LRRC57: variants seen among roughly 807,000 people sequenced by gnomAD.
LRRC57 encodes the protein leucine rich repeat containing 57, also known as leucine-rich repeat-containing protein 57.
In LRRC57, 14 loss-of-function variants were observed where a neutral mutation model predicts 23.1. The observed-to-expected ratio is 0.61, with a 90% confidence interval of 0.40 to 0.95. The LOEUF is 0.95. Among genes scored for constraint, LRRC57 ranks in the 40% least tolerant of loss-of-function variants. The pLI, the probability that LRRC57 is intolerant of heterozygous loss-of-function variation, is 0.00. For synonymous variants in LRRC57, 106 were observed against 115.2 expected, an observed-to-expected ratio of 0.92 and a Z score of 0.51; for missense variants, 236 against 284.4, an observed-to-expected ratio of 0.83 and a Z score of 1.22.
chr15:42,544,842 C>CTATATA (rs143066320), intron 5 of LRRC57, among the ~76,000 whole-genome samples: 2 of 98,036 alleles, frequency 2.0e-5, no homozygotes, highest in African/African-American at 1.3e-4. Flanking sequence ...CACACACACA[C>CTATATA]TATATATATA....
chr15:42,531,431 C>T, the LRRC57 span: 5 of 1,585,994 alleles, frequency 3.2e-6, no homozygotes, highest in South Asian at 1.2e-5. Context: ...CAACAGAGAT[C>T]GTATTGATAT....
At chr15:42,548,551 G>T in intron 1 of LRRC57, 95 bp from the exon 2 acceptor site, 1 of 972,120 alleles carries the variant, frequency 1.0e-6, no homozygotes, top group Non-Finnish European at 1.5e-6. Context: ...GCCGATCCCT[G>T]GCTCCTGGGG....
chr15:42,534,120 CTTTT>C (rs1278178764), downstream of LRRC57, among the ~76,000 whole-genome samples: 1 of 152,032 alleles, frequency 6.6e-6, no homozygotes, highest in African/African-American at 2.4e-5. Context: ...ACTGAAGTCT[CTTTT>C]TTGTTTGTTT....
Position 42,539,776 on chromosome 15 carries a change from A to G in LRRC57, c.*4307T>C, listed in dbSNP as rs2057618732. 1 of 152,190 alleles carries G rather than the reference A, an allele frequency of 6.6e-6. No individual in the cohort carries two copies. Among genetic ancestry groups the G allele is most frequent in the Non-Finnish European group, 1.5e-5 (1 of 68,024 alleles). The allele number at this position is 152,190 out of a possible 1,614,324, so 9.4% of individuals were successfully genotyped here. The stretch of plus-strand genomic sequence containing the variant: ...TTACTGTATATAGCCCTTGCCCTCA[A>G]AGAGTTAGTCTATCATGAAAGATAA... On this transcript the variant is annotated 3_prime_UTR_variant, in exon 6 of 6. Transcript: ENST00000397130.
At chr15:42,531,695 T>C in the LRRC57 span, 3 of 413,716 alleles carry the variant, frequency 7.3e-6, no homozygotes, top group Non-Finnish European at 1.3e-5. Context: ...TCTCAATTCA[T>C]ACGCTTAGAT....
the LRRC57 span, chr15:42,532,651 G>A: frequency 6.6e-6 from 1 of 152,586 alleles, no homozygotes; most frequent in East Asian, 1.9e-4. Flanking sequence ...TTTTGGAAAA[G>A]TTTGACAAAG....
the LRRC57 span, chr15:42,528,433 C>T: frequency 1.9e-6 from 3 of 1,613,688 alleles, no homozygotes; most frequent in Non-Finnish European, 2.5e-6. Flanking sequence ...ATGCCAACTC[C>T]TCCTGATATT....
At chr15:42,529,906 A>G in the LRRC57 span, 1 of 1,410,056 alleles carries the variant, frequency 7.1e-7, no homozygotes, top group Non-Finnish European at 9.7e-7. Flanking sequence ...TGTGGGGGAC[A>G]CGGTAGAATA....
At chr15:42,530,849 A>G in the LRRC57 span, among the ~76,000 whole-genome samples, 1 of 152,236 alleles carries the variant, frequency 6.6e-6, no homozygotes, top group Admixed American at 6.5e-5. Context: ...CTTTTGATGG[A>G]TTTAATTGAA....
chr15:42,530,755 G>C, the LRRC57 span, among the ~76,000 whole-genome samples: 1 of 151,886 alleles, frequency 6.6e-6, no homozygotes, highest in East Asian at 1.9e-4. Context: ...TTCTCAAAAA[G>C]AAAGGAAAAA....
Position 42,548,188 on chromosome 15 carries a change from G to A in LRRC57, c.141C>T (p.Asn47=). The part of the protein sequence containing the change: ...TSNLRTIDLS[N]NKIESLPPLL... ...AAGGCGGTAGGCTTTCGATCTTGTT[G>A]TTGGACAAGTCGATGGTCCTGAGAT... Residue 47 remains asparagine, a synonymous_variant, in exon 3 of 6, where the codon AAC becomes AAT. Coordinates refer to ENST00000397130, the MANE Select transcript of LRRC57 (RefSeq NM_153260.3). 1 of 1,614,226 alleles carries A rather than the reference G, an allele frequency of 6.2e-7. No individual in the cohort carries two copies. Among genetic ancestry groups the A allele is most frequent in the Non-Finnish European group, 8.5e-7 (1 of 1,180,032 alleles).
At chr15:42,536,014 G>T (rs991424958), downstream of LRRC57, among the ~76,000 whole-genome samples, 1 of 152,152 alleles carries the variant, frequency 6.6e-6, no homozygotes, top group African/African-American at 2.4e-5. Flanking sequence ...GGCGGTTGAG[G>T]CTGCAGCGAG....
chr15:42,548,076 T>A (rs780945078), intron 3 of LRRC57, 30 bp downstream of exon 3: 1 of 1,612,982 alleles, frequency 6.2e-7, no homozygotes, highest in Non-Finnish European at 8.5e-7. Context: ...AGCTGATCAC[T>A]AGCAAAAGCC....
downstream of LRRC57, among the ~76,000 whole-genome samples, chr15:42,536,461 G>C (rs558671004): frequency 6.6e-6 from 1 of 152,286 alleles, no homozygotes; most frequent in Non-Finnish European, 1.5e-5. Flanking sequence ...AGCTCTTTCT[G>C]GTCAAGCATC....
chr15:42,537,254 C>T (rs186062743), downstream of LRRC57, among the ~76,000 whole-genome samples: 1 of 151,364 alleles, frequency 6.6e-6, no homozygotes, highest in African/African-American at 2.4e-5. Flanking sequence ...CACACACACA[C>T]ACACACACAC....
rs1453518354 is a variant in LRRC57, at chr15:42,540,832, A to C, written c.*3251T>G. 2 of 152,196 alleles carry C rather than the reference A, an allele frequency of 1.3e-5. No homozygotes were observed. Among genetic ancestry groups the C allele is most frequent in the Non-Finnish European group, 2.9e-5 (2 of 68,080 alleles). 9.4% of individuals were successfully genotyped at this position (152,196 alleles called of 1,614,324 possible). On this transcript the variant is annotated 3_prime_UTR_variant, in exon 6 of 6. Transcript: ENST00000397130. ...CACCTGAGGTCAGGAGTTCGAGACTAGCCTGGCCAACATGGTGAAACCCCA... is the reference window on the plus strand; with the variant it reads ...CACCTGAGGTCAGGAGTTCGAGACTCGCCTGGCCAACATGGTGAAACCCCA...
intron 1 of LRRC57, 44 bp downstream of exon 1, chr15:42,548,649 G>A (rs2057680275): frequency 4.8e-6 from 3 of 625,862 alleles, no homozygotes; most frequent in East Asian, 5.5e-5. Flanking sequence ...CGGAGGCCAG[G>A]CGCCTCTGGG....
At chr15:42,547,970 G>A (rs906443563) in intron 3 of LRRC57, 136 bp downstream of exon 3, 1 of 767,984 alleles carries the variant, frequency 1.3e-6, no homozygotes, top group Non-Finnish European at 2.1e-6. Context: ...TAGAAAGAAG[G>A]CTTCAAGGAT....
the LRRC57 span, chr15:42,531,593 T>G: frequency 1.4e-6 from 1 of 735,140 alleles, no homozygotes; most frequent in Non-Finnish European, 2.2e-6. Flanking sequence ...GGAGATAATA[T>G]GGAAGAAGGG....
Sources: gnomAD v4.1 joint callset for allele counts (sites outside exome capture counted in the v4.1 genomes callset) on GRCh38, gnomAD v4.1.1 for gene constraint, MANE v1.5 for transcripts, NCBI Gene and HGNC (gene_info 2026-07-23, HGNC 2026-07-21) for gene names.